The following GAB2 variants were observed in gnomAD, a reference collection of about 807,000 sequenced individuals.
The protein encoded by GAB2 is GRB2-associated-binding protein 2.
A neutral mutation model predicts 65.5 loss-of-function variants in GAB2; 26 were observed. The observed-to-expected ratio is 0.40, with a 90% CI of 0.29 to 0.55. The LOEUF (loss-of-function observed/expected upper bound fraction) is 0.55. Among genes scored for constraint, GAB2 ranks in the 20% least tolerant of loss-of-function variants. The pLI is 0.53. For missense variants in GAB2, 884 were observed against 875.8 expected (o/e 1.01, Z -0.12); for synonymous variants, 321 against 329.6 (o/e 0.97, Z 0.28).
intron 4 of GAB2, 102 bp downstream of exon 4, chr11:78,226,363 G>T (rs570775707): frequency 5.4e-6 from 5 of 932,956 alleles, no homozygotes; most frequent in South Asian, 2.8e-5. Context: ...TAGGTGGTTC[G>T]TAAGTTCCCC....
chr11:78,232,753 GAGAT>G (rs1218206304), intron 3 of GAB2, among the ~76,000 whole-genome samples: 2 of 152,060 alleles, frequency 1.3e-5, no homozygotes, highest in East Asian at 1.9e-4. Context: ...AATGAAAAAA[GAGAT>G]AGATAGAAGG....
At chr11:78,379,965 C>A (rs1323289904) in intron 1 of GAB2, among the ~76,000 whole-genome samples, 7 of 152,138 alleles carry the variant, frequency 4.6e-5, no homozygotes, top group Non-Finnish European at 1.0e-4. Flanking sequence ...TGATGGCATG[C>A]AGGGCAGTTA....
At chr11:78,325,043 G>A (rs1481109897) in intron 1 of GAB2, among the ~76,000 whole-genome samples, 1 of 152,126 alleles carries the variant, frequency 6.6e-6, no homozygotes. Flanking sequence ...ATGCAAACCA[G>A]GGCATCTTAT....
rs957504612 is a variant in GAB2 at position 78,294,588 on chromosome 11, A to AT, written c.76-13688dup. ...CCTCTCCAGCACCTGTTGTTTCCTG[A>AT]TTTTTTAATGATCGCCATTTGACAA... On this transcript the variant is annotated intron_variant, in intron 1 of 9. Transcript: ENST00000361507. 7.2e-5 allele frequency among the ~76,000 whole-genome samples: 11 copies of AT among 152,240 alleles called. No homozygotes were observed. In the South Asian group the frequency reaches 2.1e-3, roughly 29 times the overall value.
intron 1 of GAB2, among the ~76,000 whole-genome samples, chr11:78,380,839 G>A (rs935646614): frequency 4.7e-5 from 6 of 128,252 alleles, no homozygotes; most frequent in Admixed American, 3.2e-4. Flanking sequence ...ATCTCAGAAC[G>A]TTGTCCCTCC....
Position 78,345,738 on chromosome 11 carries a change from C to T in GAB2, c.76-64837G>A, listed in dbSNP as rs189571176. On this transcript the variant is annotated intron_variant, in intron 1 of 9. Transcript: ENST00000361507. ...TTAGTAGGCAAAAAGGAGGCAGAGG[C>T]CAGCAGCCCAGACTGAAATGCAAAG... is the stretch of plus-strand genomic sequence containing the variant. Among the ~76,000 whole-genome samples, 588 of 152,250 alleles carry T rather than the reference C, an allele frequency of 3.9e-3. 1 individual carries two copies. Among genetic ancestry groups the T allele is most frequent in the African/African-American group, 0.013 (555 of 41,526 alleles).
intron 3 of GAB2, among the ~76,000 whole-genome samples, chr11:78,247,491 C>G (rs1272970471): frequency 6.6e-6 from 1 of 152,180 alleles, no homozygotes; most frequent in African/African-American, 2.4e-5. Context: ...ATTTTGATCT[C>G]TTTCTAGATA....
chr11:78,384,836 C>A (rs1591079342), intron 1 of GAB2, among the ~76,000 whole-genome samples: 1 of 152,190 alleles, frequency 6.6e-6, no homozygotes, highest in East Asian at 1.9e-4. Flanking sequence ...CAGATTTTAG[C>A]CCTTTCTGAG....
chr11:78,376,559 T>C (rs937997911), intron 1 of GAB2, among the ~76,000 whole-genome samples: 1 of 152,228 alleles, frequency 6.6e-6, no homozygotes, highest in African/African-American at 2.4e-5. Context: ...AAAGGTTGTG[T>C]TCAGTATATG....
Position 78,290,388 on chromosome 11 carries a change from C to T in GAB2, c.76-9487G>A, listed in dbSNP as rs571997076. On this transcript the variant is annotated intron_variant, in intron 1 of 9. Transcript: ENST00000361507. ...TGTCAGAAAACAAACCATTTCACAA[C>T]CATCAAGACCACAAAGTGTGGGTAC... is the stretch of plus-strand genomic sequence containing the variant. Among the ~76,000 whole-genome samples, 16 of 152,310 alleles carry T rather than the reference C, an allele frequency of 1.1e-4. No homozygotes were observed. The South Asian group carries it at 3.1e-3, about 30-fold the overall frequency.
chr11:78,355,185 CTT>C (rs1176678620), intron 1 of GAB2, among the ~76,000 whole-genome samples: 1 of 152,146 alleles, frequency 6.6e-6, no homozygotes, highest in African/African-American at 2.4e-5. Flanking sequence ...GCTAAAAGCA[CTT>C]TATGTGACTT....
At chr11:78,299,054 A>G (rs1866917461) in intron 1 of GAB2, among the ~76,000 whole-genome samples, 1 of 152,214 alleles carries the variant, frequency 6.6e-6, no homozygotes, top group Non-Finnish European at 1.5e-5. Flanking sequence ...GTAGGTCTGG[A>G]GTACAGTCCA....
chr11:78,367,457 C>T (rs1043086083), intron 1 of GAB2, among the ~76,000 whole-genome samples: 2 of 152,202 alleles, frequency 1.3e-5, no homozygotes, highest in African/African-American at 2.4e-5. Context: ...CTAATTGCTG[C>T]TAGGCAGAAA....
At position 78,217,204 on chromosome 11, in the gene GAB2, G is replaced by C. The variant is rs1022157729; in HGVS notation, c.*2068C>G. ...CCTCTGCCCTCCATCAGCATTTGAA[G>C]TCTCTGTCTGATGGCCATCACCACT... is the stretch of plus-strand genomic sequence containing the variant. On this transcript the variant is annotated 3_prime_UTR_variant, in exon 10 of 10. Coordinates refer to ENST00000361507, the MANE Select transcript of GAB2 (RefSeq NM_080491.3). The C allele has an allele frequency of 5.9e-5, 9 of 152,352 alleles. No homozygotes were observed. Among genetic ancestry groups the C allele is most frequent in the African/African-American group, 2.2e-4 (9 of 41,422 alleles). 9.4% of individuals were successfully genotyped at this position (152,352 alleles called of 1,614,324 possible).
intron 1 of GAB2, among the ~76,000 whole-genome samples, chr11:78,383,937 T>C (rs1035192959): frequency 6.6e-6 from 1 of 152,154 alleles, no homozygotes; most frequent in Non-Finnish European, 1.5e-5. Flanking sequence ...CTGGCTTTCC[T>C]GACATTGCTT....
At chr11:78,395,101 G>C (rs1289380115) in intron 1 of GAB2, among the ~76,000 whole-genome samples, 6 of 152,240 alleles carry the variant, frequency 3.9e-5, no homozygotes, top group Non-Finnish European at 8.8e-5. Flanking sequence ...ATCAGAGAGA[G>C]ACTGTATCTC....
chr11:78,275,163 G>T (rs1353884499), intron 2 of GAB2, among the ~76,000 whole-genome samples: 1 of 152,168 alleles, frequency 6.6e-6, no homozygotes, highest in Non-Finnish European at 1.5e-5. Flanking sequence ...CCAGTAAAAG[G>T]AAAGCAGTGT....
intron 1 of GAB2, among the ~76,000 whole-genome samples, chr11:78,348,679 T>G (rs1399594115): frequency 6.6e-6 from 1 of 152,202 alleles, no homozygotes; most frequent in African/African-American, 2.4e-5. Flanking sequence ...CTCAAAAAGT[T>G]TAACACGTAT....
Position 78,243,509 on chromosome 11 carries a change from T to C in GAB2, c.620+6648A>G, listed in dbSNP as rs150465219. Among the ~76,000 whole-genome samples the C allele has an allele frequency of 1.6e-4, 24 of 151,408 alleles. No homozygotes were observed. In the East Asian group the frequency reaches 4.5e-3, roughly 29 times the overall value. On this transcript the variant is annotated intron_variant, in intron 3 of 9. Transcript: ENST00000361507. ...TAAAATAAAAAAGAAAAAGGAGACA[T>C]TGTAACTGACAGCATAGAAATGCAA...
Sources: gnomAD v4.1 joint callset for allele counts (sites outside exome capture counted in the v4.1 genomes callset) on GRCh38, gnomAD v4.1.1 for gene constraint, MANE v1.5 for transcripts, NCBI Gene and HGNC (gene_info 2026-07-23, HGNC 2026-07-21) for gene names.